Variants in CDH9 observed in about 807,000 individuals in gnomAD.
CDH9 encodes cadherin-9.
Under a neutral mutation model 70.9 loss-of-function variants are expected in CDH9, and 28 were observed. That is an observed-to-expected ratio of 0.40 (90% CI 0.29 to 0.54). The LOEUF (loss-of-function observed/expected upper bound fraction) is 0.54, where lower values mean the gene tolerates loss of function less well. Among genes scored for constraint, CDH9 ranks in the 20% least tolerant of loss-of-function variants. The pLI, the probability that CDH9 is intolerant of heterozygous loss-of-function variation, is 0.59. For synonymous variants in CDH9, 409 were observed against 343.1 expected (o/e 1.19, Z -2.12); for missense variants, 874 against 984.4 (o/e 0.89, Z 1.50).
At chr5:27,020,457 TA>T (rs1265571968) in intron 1 of CDH9, among the ~76,000 whole-genome samples, 1 of 151,528 alleles carries the variant, frequency 6.6e-6, no homozygotes, top group African/African-American at 2.4e-5. Context: ...AATAATAAAC[TA>T]AAAAAATTAA....
chr5:26,926,467 T>G (rs1057268697), intron 2 of CDH9, among the ~76,000 whole-genome samples: 1 of 152,090 alleles, frequency 6.6e-6, no homozygotes, highest in East Asian at 1.9e-4. Context: ...GAAGAACATT[T>G]CATGCTCATG....
intron 1 of CDH9, among the ~76,000 whole-genome samples, chr5:26,998,689 C>A (rs1052826840): frequency 1.3e-5 from 2 of 151,576 alleles, no homozygotes; most frequent in African/African-American, 4.9e-5. Context: ...ATGTAACTGA[C>A]CTGCACGTTG....
At chr5:26,936,946 A>G (rs1741569898) in intron 2 of CDH9, among the ~76,000 whole-genome samples, 1 of 152,158 alleles carries the variant, frequency 6.6e-6, no homozygotes, top group African/African-American at 2.4e-5. Flanking sequence ...TTAGGCAATA[A>G]CATAGGACAG....
At chr5:27,020,827 A>G (rs1743126753) in intron 1 of CDH9, among the ~76,000 whole-genome samples, 1 of 151,650 alleles carries the variant, frequency 6.6e-6, no homozygotes, top group African/African-American at 2.4e-5. Flanking sequence ...TGTAGCTAGT[A>G]CATAGTTCAT....
chr5:27,019,717 G>A (rs1189605585), intron 1 of CDH9, among the ~76,000 whole-genome samples: 6 of 151,766 alleles, frequency 4.0e-5, no homozygotes, highest in Admixed American at 2.0e-4. Flanking sequence ...TATGAAATAC[G>A]TAAATAAGTA....
chr5:26,941,815 T>A (rs1030119736), intron 2 of CDH9, among the ~76,000 whole-genome samples: 2 of 152,132 alleles, frequency 1.3e-5, no homozygotes, highest in Non-Finnish European at 2.9e-5. Flanking sequence ...AACTGGGTAA[T>A]TTACAAAGAA....
intron 7 of CDH9, among the ~76,000 whole-genome samples, chr5:26,893,988 G>T (rs1267133612): frequency 1.3e-5 from 2 of 152,064 alleles, no homozygotes. Context: ...AGCAAATAAA[G>T]TCATTGGAAC....
At chr5:26,990,108 G>A (rs2112093886) in intron 1 of CDH9, among the ~76,000 whole-genome samples, 1 of 152,122 alleles carries the variant, frequency 6.6e-6, no homozygotes, top group South Asian at 2.1e-4. Flanking sequence ...CACAGTGCTA[G>A]CACAAAACTC....
chr5:27,019,141 T>C (rs1487599340), intron 1 of CDH9, among the ~76,000 whole-genome samples: 3 of 151,860 alleles, frequency 2.0e-5, no homozygotes, highest in African/African-American at 4.8e-5. Context: ...ATTGGTGAAG[T>C]AGACTCAATT....
At chr5:26,913,474 A>T (rs757402019) in intron 3 of CDH9, among the ~76,000 whole-genome samples, 10 of 152,100 alleles carry the variant, frequency 6.6e-5, no homozygotes, top group Non-Finnish European at 1.2e-4. Flanking sequence ...CCAGAGCCAT[A>T]CATCTGCCTG....
chr5:26,898,015 C>T (rs1293017708), intron 7 of CDH9, among the ~76,000 whole-genome samples: 1 of 152,092 alleles, frequency 6.6e-6, no homozygotes, highest in Non-Finnish European at 1.5e-5. Flanking sequence ...CACAAGCATT[C>T]CTATACACCA....
At position 26,902,679 on chromosome 5, in the gene CDH9, A is replaced by G; in HGVS notation, c.1050T>C (p.Ser350=). The G allele has an allele frequency of 6.4e-7, 1 of 1,572,210 alleles. No individual in the cohort carries two copies. ...AGAATCGTGGATCAGGGTGAGTGTT[A>G]CTTGCATCCACTCTTAAAGTATAGA... ...QMLYTLRVDA[S]NTHPDPRFLH... The change falls in exon 7 of 12, where the codon AGT becomes AGC. Residue 350 remains serine, a synonymous_variant. Transcript: ENST00000231021.
chr5:26,893,354 CTT>C (rs1245693285), intron 7 of CDH9, among the ~76,000 whole-genome samples: 2 of 152,096 alleles, frequency 1.3e-5, no homozygotes, highest in African/African-American at 4.8e-5. Flanking sequence ...TGGCTAAAAA[CTT>C]ATATACTTGG....
chr5:26,920,553 C>T (rs1479956138), intron 2 of CDH9, among the ~76,000 whole-genome samples: 1 of 152,064 alleles, frequency 6.6e-6, no homozygotes, highest in Non-Finnish European at 1.5e-5. Flanking sequence ...TACTGTGGGC[C>T]TTGGGAGACA....
At chr5:27,034,826 A>T (rs2112139506) in intron 1 of CDH9, among the ~76,000 whole-genome samples, 1 of 151,796 alleles carries the variant, frequency 6.6e-6, no homozygotes, top group South Asian at 2.1e-4. Context: ...AAGTGCATTA[A>T]CATGTTAGGG....
At chr5:27,033,154 G>T (rs946015577) in intron 1 of CDH9, among the ~76,000 whole-genome samples, 2 of 150,960 alleles carry the variant, frequency 1.3e-5, no homozygotes, top group African/African-American at 4.8e-5. Context: ...CTATAATTGA[G>T]TTTAAGATTT....
intron 2 of CDH9, among the ~76,000 whole-genome samples, chr5:26,947,463 A>G (rs1392585178): frequency 6.6e-6 from 1 of 152,184 alleles, no homozygotes; most frequent in Non-Finnish European, 1.5e-5. Flanking sequence ...TTTTGACAGA[A>G]CTCAATTATG....
In CDH9 at chr5:26,972,863, AG is replaced by A. The variant is rs1192263247; in HGVS notation, c.228+15242del. ...ACTGTAGCAAAGTAATAGTAAACTC[AG>A]ATTTTTTTTTTTTTTTTGAAATGAA... On this transcript the variant is annotated intron_variant, in intron 2 of 11. Coordinates refer to ENST00000231021, the MANE Select transcript of CDH9 (RefSeq NM_016279.4). Among the ~76,000 whole-genome samples, 441 of 131,284 alleles carry A rather than the reference AG, an allele frequency of 3.4e-3. 2 individuals carry two copies. The highest frequency in any genetic ancestry group is 0.012 in the African/African-American group (432 of 35,668). 86.1% of individuals were successfully genotyped at this position (131,284 alleles called of 152,430 possible).
At chr5:26,901,675 T>A (rs1418085874) in intron 7 of CDH9, among the ~76,000 whole-genome samples, 1 of 151,878 alleles carries the variant, frequency 6.6e-6, no homozygotes, top group Admixed American at 6.6e-5. Context: ...GCTGTCTATA[T>A]GTTCCTCCAC....
Sources: gnomAD v4.1 joint callset for allele counts (sites outside exome capture counted in the v4.1 genomes callset) on GRCh38, gnomAD v4.1.1 for gene constraint, MANE v1.5 for transcripts, NCBI Gene and HGNC (gene_info 2026-07-23, HGNC 2026-07-21) for gene names.